The following PIK3R6 variants were observed in gnomAD, a reference collection of about 807,000 sequenced individuals.
PIK3R6 encodes phosphoinositide 3-kinase regulatory subunit 6.
PIK3R6 carries 91 observed loss-of-function variants against 84.9 expected under a neutral mutation model. That is an observed-to-expected ratio of 1.07 (90% CI 0.90 to 1.28). The LOEUF is 1.28. Among genes scored for constraint, PIK3R6 ranks in the 50% most tolerant of loss-of-function variants. The probability of loss-of-function intolerance (pLI) is 0.00; values close to 1 mark genes in which losing one functional copy is unlikely to be tolerated. For missense variants in PIK3R6, 996 were observed against 985.1 expected, an observed-to-expected ratio of 1.01 and a Z score of -0.15; for synonymous variants, 416 against 411.4, an observed-to-expected ratio of 1.01 and a Z score of -0.13.
intron 18 of PIK3R6, among the ~76,000 whole-genome samples, chr17:8,812,431 C>T (rs1398745545): frequency 1.3e-5 from 2 of 152,246 alleles, no homozygotes; most frequent in Non-Finnish European, 2.9e-5. Flanking sequence ...GAACAATCTA[C>T]TCTACAACTG....
At chr17:8,857,247 C>A (rs2089164124) in intron 1 of PIK3R6, among the ~76,000 whole-genome samples, 1 of 152,192 alleles carries the variant, frequency 6.6e-6, no homozygotes. Flanking sequence ...GCATGTCCAG[C>A]ATCTAGGGCA....
At chr17:8,832,818 GC>G in intron 9 of PIK3R6, 70 bp downstream of exon 9, 1 of 1,602,326 alleles carries the variant, frequency 6.2e-7, no homozygotes, top group South Asian at 1.1e-5. Context: ...CTGCTCTCTG[GC>G]GCCCCCTGCT....
rs544415728 is a variant in PIK3R6 at position 8,865,072 on chromosome 17, G to A, written c.-92+2457C>T. ...AAAAAGAAGCAAATGGGGACCACCT[G>A]TTCACAGCTGCTGCTCCCTGTTGTT... On this transcript the variant is annotated intron_variant, in intron 1 of 19. Coordinates refer to ENST00000619866, the MANE Select transcript of PIK3R6 (RefSeq NM_001010855.4). Among the ~76,000 whole-genome samples, 10 of 152,294 alleles carry A rather than the reference G, an allele frequency of 6.6e-5. No individual in the cohort carries two copies. In the South Asian group the frequency reaches 1.5e-3, roughly 22 times the overall value.
At chr17:8,849,937 G>A (rs2088903847) in intron 1 of PIK3R6, 52 bp from the exon 2 acceptor site, 1 of 1,131,166 alleles carries the variant, frequency 8.8e-7, no homozygotes, top group Non-Finnish European at 1.2e-6. Context: ...GGTGCAGAAA[G>A]CACCTTGGGA....
At chr17:8,848,851 G>A (rs926278069) in intron 2 of PIK3R6, among the ~76,000 whole-genome samples, 3 of 152,182 alleles carry the variant, frequency 2.0e-5, no homozygotes, top group African/African-American at 7.2e-5. Flanking sequence ...TGGTTGGATG[G>A]ATGGATGTCA....
chr17:8,857,831 C>T (rs1348105466), intron 1 of PIK3R6, among the ~76,000 whole-genome samples: 1 of 148,352 alleles, frequency 6.7e-6, no homozygotes, highest in Non-Finnish European at 1.5e-5. Flanking sequence ...ATCCGGGAGG[C>T]AGAGGTTGCA....
At chr17:8,815,709 G>C (rs1447651724) in intron 18 of PIK3R6, among the ~76,000 whole-genome samples, 1 of 152,102 alleles carries the variant, frequency 6.6e-6, no homozygotes, top group Admixed American at 6.6e-5. Flanking sequence ...AGGGACTCTT[G>C]AAGGCTACAA....
chr17:8,849,993 G>A lies in PIK3R6; in HGVS notation c.-91-108C>T, dbSNP rs2088906093. On this transcript the variant is annotated intron_variant, in intron 1 of 19. Transcript: ENST00000619866. ...ACCTAGGCTTCTAGCACACTGGGGG[G>A]AAGTCTAGATGTATTTAAGAAAACT... The A allele has an allele frequency of 1.7e-5, 10 of 574,100 alleles. No homozygotes were observed. In the South Asian group the frequency reaches 2.7e-4, roughly 15 times the overall value. 35.6% of individuals were successfully genotyped at this position (574,100 alleles called of 1,614,324 possible). A position where few individuals can be genotyped will look rare whatever the true frequency, so the allele number is the denominator to read the frequency against.
At chr17:8,840,447 A>AAT (rs1179388772) in intron 2 of PIK3R6, among the ~76,000 whole-genome samples, 3 of 143,282 alleles carry the variant, frequency 2.1e-5, no homozygotes, top group African/African-American at 2.5e-5. Context: ...ATAGCCTCCA[A>AAT]ATATATATAT....
intron 1 of PIK3R6, among the ~76,000 whole-genome samples, chr17:8,861,181 C>CAAAAAAAAAAAA (rs35125812): frequency 1.0e-5 from 1 of 95,662 alleles, no homozygotes. Flanking sequence ...GACTCTGTCT[C>CAAAAAAAAAAAA]AAAAAAAAAA....
Position 8,827,275 on chromosome 17 carries a change from T to C in PIK3R6, c.1412A>G (p.Gln471Arg), listed in dbSNP as rs529355046. The C allele has an allele frequency of 6.4e-7, 1 of 1,560,388 alleles. No homozygotes were observed. The highest frequency in any genetic ancestry group is 1.4e-5 in the African/African-American group (1 of 73,518). Residue 471 changes from glutamine to arginine, a missense_variant, in exon 13 of 20, where the codon CAG (glutamine) becomes CGG (arginine). Coordinates refer to ENST00000619866, the MANE Select transcript of PIK3R6 (RefSeq NM_001010855.4). ...CGTAGCCAGCTCTCCCAGCTCCGGC[T>C]GCCTGGATGCTGCAGGCTTCTGGGG... ...LAPEKPAASR[Q>R]PELGELATFL...
chr17:8,826,929 G>A (rs867054381), intron 13 of PIK3R6, among the ~76,000 whole-genome samples: 69 of 152,154 alleles, frequency 4.5e-4, no homozygotes, highest in African/African-American at 1.5e-3. Flanking sequence ...TCCAAAGTAC[G>A]AGCCTGGTAA....
intron 18 of PIK3R6, 21 bp from the exon 19 acceptor site, chr17:8,804,174 G>T (rs776811222): frequency 6.3e-7 from 1 of 1,593,860 alleles, no homozygotes; most frequent in East Asian, 2.2e-5. Flanking sequence ...GAGATCGCAC[G>T]TGTGAGTGTT....
intron 1 of PIK3R6, among the ~76,000 whole-genome samples, chr17:8,855,454 TA>T (rs1202764925): frequency 2.0e-5 from 3 of 152,072 alleles, no homozygotes; most frequent in African/African-American, 2.4e-5. Flanking sequence ...ATAAACACAT[TA>T]AAAAAATGCT....
intron 1 of PIK3R6, among the ~76,000 whole-genome samples, chr17:8,858,028 C>T (rs182818157): frequency 1.1e-3 from 170 of 152,260 alleles, no homozygotes; most frequent in African/African-American, 3.6e-3. Flanking sequence ...ATTTATTCAG[C>T]GTTTCTATAT....
In PIK3R6 at chr17:8,828,963, G is replaced by A. The variant is rs1373327349; in HGVS notation, c.917C>T (p.Pro306Leu). ...AGCACTGAGGCGCAGCTGGGATCTT[G>A]GGCGGAGGAAGAGCACCAGTTCCTT... ...LWKELVLFLRPRSQLRLSADL... is the reference protein window; with the variant it reads ...LWKELVLFLRLRSQLRLSADL... The change falls in exon 11 of 20, where the codon CCA becomes CTA. Residue 306 changes from proline (P) to leucine (L), a missense_variant. Transcript: ENST00000619866. 4 of 1,501,078 alleles carry A rather than the reference G, an allele frequency of 2.7e-6. No individual in the cohort carries two copies. Among genetic ancestry groups the A allele is most frequent in the Non-Finnish European group, 3.6e-6 (4 of 1,125,056 alleles). 93.0% of individuals were successfully genotyped at this position (1,501,078 alleles called of 1,614,324 possible).
At chr17:8,838,480 A>G in intron 4 of PIK3R6, 84 bp downstream of exon 4, 2 of 1,248,646 alleles carry the variant, frequency 1.6e-6, no homozygotes, top group Non-Finnish European at 2.3e-6. Context: ...TATGAGATAT[A>G]GCGCTGCCAG....
At chr17:8,860,930 G>GGC (rs10667655) in intron 1 of PIK3R6, among the ~76,000 whole-genome samples, 152,265 of 152,284 alleles carry the variant, frequency 1, 76,123 homozygotes, top group Middle Eastern at 1. Flanking sequence ...GCCGGGCACG[G>GGC]TCACGCCTGT....
At position 8,844,572 on chromosome 17, in the gene PIK3R6, T is replaced by C. The variant is rs1482426274; in HGVS notation, c.14-4875A>G. ...CTCCTCTGCATCCAGGAATGTGGGATATTACTAATTAGGTATTAATATTAT... is the reference window on the plus strand; with the variant it reads ...CTCCTCTGCATCCAGGAATGTGGGACATTACTAATTAGGTATTAATATTAT... On this transcript the variant is annotated intron_variant, in intron 2 of 19. Coordinates refer to ENST00000619866, the MANE Select transcript of PIK3R6 (RefSeq NM_001010855.4). The surrounding 1 kb of genome is among the most constrained non-coding windows in gnomAD (Gnocchi z 4.5). Among the ~76,000 whole-genome samples the C allele has an allele frequency of 6.6e-6, 1 of 152,112 alleles. No individual in the cohort carries two copies. The highest frequency in any genetic ancestry group is 6.5e-5 in the Admixed American group (1 of 15,274).
Sources: allele counts gnomAD v4.1 joint callset (sites outside exome capture counted in the v4.1 genomes callset), GRCh38; gene constraint gnomAD v4.1.1; non-coding constraint Gnocchi (gnomAD v3.1); transcripts MANE v1.5; gene names NCBI Gene and HGNC (gene_info 2026-07-23, HGNC 2026-07-21).